Variants in PEX5 observed in about 807,000 individuals in gnomAD.
The protein encoded by PEX5 is peroxisomal biogenesis factor 5.
PEX5 carries 52 observed loss-of-function variants against 82.9 expected under a neutral mutation model. The observed-to-expected ratio is 0.63, with a 90% confidence interval of 0.50 to 0.79. The LOEUF (loss-of-function observed/expected upper bound fraction) is 0.79, where lower values mean the gene tolerates loss of function less well. PEX5 is among the 30% of genes least tolerant of loss of function. The probability of loss-of-function intolerance (pLI) is 0.00; values close to 1 mark genes in which losing one functional copy is unlikely to be tolerated. For missense variants in PEX5, 719 were observed against 815.2 expected, an observed-to-expected ratio of 0.88 and a Z score of 1.44; for synonymous variants, 300 against 318.8, an observed-to-expected ratio of 0.94 and a Z score of 0.63.
At chr12:7,215,039 G>A (rs891751945), downstream of PEX5, among the ~76,000 whole-genome samples, 8 of 152,000 alleles carry the variant, frequency 5.3e-5, no homozygotes, top group African/African-American at 1.2e-4. Context: ...TTTGTAGTCC[G>A]CAAAATTTGC....
At chr12:7,189,939 C>T (rs938856830) in intron 1 of PEX5, 189 bp downstream of exon 1, 76 of 1,483,744 alleles carry the variant, frequency 5.1e-5, no homozygotes, top group Non-Finnish European at 6.5e-5. Flanking sequence ...AGGGAATGCT[C>T]CTCTGCCGTG....
chr12:7,205,356 A>G (rs1318908196), intron 10 of PEX5, among the ~76,000 whole-genome samples: 5 of 152,240 alleles, frequency 3.3e-5, no homozygotes, highest in African/African-American at 1.2e-4. Flanking sequence ...GAACTTTTTA[A>G]AAACAAAGGA....
At chr12:7,201,616 T>C (rs921803057) in intron 6 of PEX5, 135 bp from the exon 7 acceptor site, 5 of 725,414 alleles carry the variant, frequency 6.9e-6, no homozygotes, top group South Asian at 4.5e-5. Context: ...ATAATGCAAA[T>C]TGGAGTTTGT....
chr12:7,215,346 T>C (rs1373800064), downstream of PEX5, among the ~76,000 whole-genome samples: 1 of 152,166 alleles, frequency 6.6e-6, no homozygotes, highest in African/African-American at 2.4e-5. Flanking sequence ...TGGAAATTTC[T>C]CAAAGAACTT....
intron 5 of PEX5, 52 bp from the exon 6 acceptor site, chr12:7,198,959 A>G: frequency 5.9e-6 from 6 of 1,014,118 alleles, no homozygotes; most frequent in Non-Finnish European, 9.2e-6. Flanking sequence ...CCTTTCCTTG[A>G]TCCCACACTG....
chr12:7,202,278 T>C lies in PEX5; in HGVS notation c.680T>C (p.Val227Ala), dbSNP rs777842778. ...KFVRQIGEGQ[V>A]SLESGAGSGR... ...GTGCGGCAGATTGGCGAAGGGCAGG[T>C]GTCCCTGGAGTCCGGTGCAGGGTCG... The change falls in exon 8 of 16, where the codon GTG becomes GCG. Residue 227 changes from valine (V) to alanine (A), a missense_variant. Physicochemically the swap from Val to Ala is moderately conservative, Grantham distance 64. Transcript: ENST00000675855. The C allele has an allele frequency of 1.4e-5, 22 of 1,614,122 alleles. No individual in the cohort carries two copies. In the African/African-American group the frequency reaches 2.7e-4, roughly 20 times the overall value.
chr12:7,200,557 G>A (rs1591737274), intron 6 of PEX5, among the ~76,000 whole-genome samples: 2 of 152,120 alleles, frequency 1.3e-5, no homozygotes, highest in East Asian at 1.9e-4. Context: ...GGTGGAGGTT[G>A]TAGCGAGCCG....
chr12:7,193,640 A>G (rs766674270), intron 5 of PEX5, among the ~76,000 whole-genome samples: 9 of 152,208 alleles, frequency 5.9e-5, no homozygotes, highest in Non-Finnish European at 1.2e-4. Flanking sequence ...CTTAAGTGCT[A>G]TCTCTTATCA....
intron 12 of PEX5, 139 bp downstream of exon 12, chr12:7,208,219 G>A: frequency 2.5e-6 from 2 of 791,942 alleles, no homozygotes; most frequent in Non-Finnish European, 4.4e-6. Context: ...AACTCTGAGG[G>A]TTGGAGTGAA....
chr12:7,199,161 G>C (rs766934105), intron 6 of PEX5, 48 bp downstream of exon 6: 14 of 926,344 alleles, frequency 1.5e-5, no homozygotes, highest in Non-Finnish European at 1.5e-5. Flanking sequence ...AGTATGGACA[G>C]TTTTCCCAGC....
intron 6 of PEX5, among the ~76,000 whole-genome samples, chr12:7,200,769 A>G (rs934913391): frequency 4.8e-5 from 7 of 145,738 alleles, no homozygotes; most frequent in Non-Finnish European, 9.1e-5. Flanking sequence ...GCGTGCCTGC[A>G]ATTGCAGGCA....
Position 7,208,496 on chromosome 12 carries a change from G to A in PEX5, c.1221G>A (p.Met407Ile). 1 of 1,614,118 alleles carries A rather than the reference G, an allele frequency of 6.2e-7. No individual in the cohort carries two copies. Among genetic ancestry groups the A allele is most frequent in the Non-Finnish European group, 8.5e-7 (1 of 1,179,962 alleles). The stretch of plus-strand genomic sequence containing the variant: ...AGCCAGATAACCAGACAGCACTGAT[G>A]GCGCTGGCTGTGAGCTTCACCAACG... The part of the protein sequence containing the change: ...ELKPDNQTAL[M>I]ALAVSFTNES... Residue 407 changes from methionine (M) to isoleucine (I), a missense_variant, in exon 13 of 16, where the codon ATG (methionine) becomes ATA (isoleucine). Met to Ile is a conservative substitution (Grantham distance 10). Transcript: ENST00000675855.
intron 4 of PEX5, 33 bp from the exon 5 acceptor site, chr12:7,191,536 T>C (rs763229663): frequency 6.2e-7 from 1 of 1,613,116 alleles, no homozygotes; most frequent in Non-Finnish European, 8.5e-7. Flanking sequence ...TATGTATGTA[T>C]TCTTTCTTAG....
intron 1 of PEX5, 80 bp downstream of exon 1, chr12:7,189,830 G>A (rs1374823316): frequency 4.6e-6 from 5 of 1,096,734 alleles, no homozygotes; most frequent in Non-Finnish European, 6.0e-6. Context: ...CGGGTCCCAG[G>A]GGCGGGGCTG....
At chr12:7,189,668 C>T, upstream of PEX5, 1 of 355,666 alleles carries the variant, frequency 2.8e-6, no homozygotes. Flanking sequence ...TGAGCCCCGC[C>T]CCCTGGCTCC....
chr12:7,209,992 A>G (rs1243738770), intron 15 of PEX5, 30 bp from the exon 16 acceptor site: 1 of 1,611,738 alleles, frequency 6.2e-7, no homozygotes. Flanking sequence ...TGTTCAGCTT[A>G]ACAGCTCTCA....
chr12:7,197,472 TTA>T (rs1320061576), intron 5 of PEX5, among the ~76,000 whole-genome samples: 1 of 144,758 alleles, frequency 6.9e-6, no homozygotes, highest in African/African-American at 2.5e-5. Context: ...ATTATATATG[TTA>T]TATATAATAT....
chr12:7,200,654 G>A (rs1423789192), intron 6 of PEX5, among the ~76,000 whole-genome samples: 2 of 152,194 alleles, frequency 1.3e-5, no homozygotes, highest in East Asian at 1.9e-4. Context: ...TCGGGAGGCC[G>A]AGGCTGGCGG....
Position 7,202,387 on chromosome 12 carries a change from C to T in PEX5, c.753+36C>T, listed in dbSNP as rs115560701. 1.3e-3 allele frequency: 2,087 copies of T among 1,611,204 alleles called. 28 individuals carry two copies. In the African/African-American group the frequency reaches 0.025, roughly 19 times the overall value. ...GTCACTTTCCAGTCCCACTTCAGAG[C>T]CAGCTGATGCCCCAGGCCATGGGTT... is the stretch of plus-strand genomic sequence containing the variant. On this transcript the variant is annotated intron_variant, in intron 8 of 15. Transcript: ENST00000675855.
Sources: gnomAD v4.1 joint callset for allele counts (sites outside exome capture counted in the v4.1 genomes callset) on GRCh38, gnomAD v4.1.1 for gene constraint, MANE v1.5 for transcripts, NCBI Gene and HGNC (gene_info 2026-07-23, HGNC 2026-07-21) for gene names.